The following AGXT2 variants were observed in gnomAD, a reference collection of about 807,000 sequenced individuals.
The protein encoded by AGXT2 is alanine--glyoxylate aminotransferase 2, also known as alanine--glyoxylate aminotransferase 2, mitochondrial.
A neutral mutation model predicts 62.5 loss-of-function variants in AGXT2; 61 were observed. That is an observed-to-expected ratio of 0.98 (90% CI 0.79 to 1.21). AGXT2 has a LOEUF of 1.21. Ranked by LOEUF, AGXT2 falls within the 50% of genes most tolerant of loss-of-function variation. The pLI, the probability that AGXT2 is intolerant of heterozygous loss-of-function variation, is 0.00. For missense variants in AGXT2, 666 were observed against 641.5 expected, an observed-to-expected ratio of 1.04 and a Z score of -0.41; for synonymous variants, 243 against 218.7, an observed-to-expected ratio of 1.11 and a Z score of -0.98.
At chr5:35,041,708 T>G (rs1335408458) in intron 1 of AGXT2, among the ~76,000 whole-genome samples, 2 of 152,216 alleles carry the variant, frequency 1.3e-5, no homozygotes, top group African/African-American at 2.4e-5. Context: ...AAGGTTTGAA[T>G]GCATGAAAGA....
At chr5:35,004,002 C>G (rs1242367924) in intron 12 of AGXT2, 141 bp from the exon 13 acceptor site, 13 of 703,724 alleles carry the variant, frequency 1.8e-5, no homozygotes, top group East Asian at 1.7e-4. Flanking sequence ...TCTGTCCTCT[C>G]CTTCCCCTGT....
intron 5 of AGXT2, among the ~76,000 whole-genome samples, chr5:35,033,770 T>A (rs1293823284): frequency 6.6e-6 from 1 of 152,224 alleles, no homozygotes; most frequent in East Asian, 1.9e-4. Flanking sequence ...AAAGGAATTT[T>A]GGAGAACATT....
chr5:35,037,510 C>G (rs1046476148), intron 3 of AGXT2, among the ~76,000 whole-genome samples: 1 of 144,724 alleles, frequency 6.9e-6, no homozygotes, highest in African/African-American at 2.5e-5. Context: ...TTCCCTCCCT[C>G]CCTCCCTTCC....
chr5:35,003,159 G>A (rs903085801), intron 13 of AGXT2, among the ~76,000 whole-genome samples: 5 of 152,188 alleles, frequency 3.3e-5, no homozygotes, highest in African/African-American at 9.7e-5. Context: ...AAGGGAGTGG[G>A]GAGGGCTCGA....
intron 1 of AGXT2, among the ~76,000 whole-genome samples, chr5:35,046,003 G>A (rs960885107): frequency 1.4e-4 from 21 of 151,980 alleles, no homozygotes; most frequent in Non-Finnish European, 2.6e-4. Flanking sequence ...TCCTGACCTC[G>A]TGATCCGCCC....
chr5:35,009,615 T>A (rs1161684666), intron 12 of AGXT2, among the ~76,000 whole-genome samples: 3 of 152,054 alleles, frequency 2.0e-5, no homozygotes, highest in Non-Finnish European at 4.4e-5. Flanking sequence ...CAACTCCTAA[T>A]ATATATTTAA....
Position 35,003,894 on chromosome 5 carries a change from G to A in AGXT2, c.1339-33C>T, listed in dbSNP as rs747404559. 1.9e-6 allele frequency: 3 copies of A among 1,599,526 alleles called. No homozygotes were observed. In the South Asian group the frequency reaches 3.3e-5, roughly 18 times the overall value. The stretch of plus-strand genomic sequence containing the variant: ...TATATTTTTAAAATTCTTTCTATTT[G>A]GTGTTGGAATGGTTAAAGGAATTAT... On this transcript the variant is annotated intron_variant, in intron 12 of 13. Transcript: ENST00000231420.
intron 9 of AGXT2, among the ~76,000 whole-genome samples, chr5:35,021,967 G>A (rs906918255): frequency 1.3e-5 from 2 of 152,182 alleles, no homozygotes; most frequent in African/African-American, 4.8e-5. Context: ...ACAAACACAT[G>A]AAAAAATGCT....
chr5:35,034,308 C>T (rs989941526), intron 5 of AGXT2, among the ~76,000 whole-genome samples: 19 of 152,086 alleles, frequency 1.2e-4, no homozygotes, highest in African/African-American at 4.1e-4. Flanking sequence ...TTAATACTTA[C>T]CTCGACACAC....
intron 13 of AGXT2, among the ~76,000 whole-genome samples, chr5:35,002,603 C>A (rs1266512473): frequency 6.6e-6 from 1 of 152,164 alleles, no homozygotes; most frequent in Non-Finnish European, 1.5e-5. Context: ...GCTCTCTTGC[C>A]CCTTCTGCAA....
intron 7 of AGXT2, among the ~76,000 whole-genome samples, chr5:35,028,961 A>AGCT (rs1767467282): frequency 6.6e-6 from 1 of 152,206 alleles, no homozygotes; most frequent in Admixed American, 6.5e-5. Context: ...TTTATACCTC[A>AGCT]GCTCTTCATT....
intron 3 of AGXT2, 26 bp from the exon 4 acceptor site, chr5:35,037,091 C>T (rs1401479100): frequency 6.2e-7 from 1 of 1,613,186 alleles, no homozygotes; most frequent in Non-Finnish European, 8.5e-7. Context: ...AGCAGAGTTA[C>T]CTGCACTGCG....
intron 5 of AGXT2, 142 bp downstream of exon 5, chr5:35,035,080 C>A: frequency 2.5e-6 from 2 of 790,910 alleles, no homozygotes; most frequent in Non-Finnish European, 2.1e-6. Flanking sequence ...ATTCAATTGA[C>A]CTATCCTTCC....
chr5:35,042,077 T>G (rs1768011052), intron 1 of AGXT2, among the ~76,000 whole-genome samples: 1 of 152,194 alleles, frequency 6.6e-6, no homozygotes, highest in African/African-American at 2.4e-5. Context: ...AATCCTTTCG[T>G]TTCTTCAGTC....
At chr5:35,045,652 CTAGGTAGAG>C (rs962747155) in intron 1 of AGXT2, among the ~76,000 whole-genome samples, 2 of 151,936 alleles carry the variant, frequency 1.3e-5, no homozygotes, top group African/African-American at 4.8e-5. Context: ...AGGCACAGAC[CTAGGTAGAG>C]TAGGTAAGAA....
intron 1 of AGXT2, 74 bp downstream of exon 1, chr5:35,047,731 A>G (rs1285476400): frequency 1.9e-6 from 3 of 1,561,168 alleles, no homozygotes; most frequent in Non-Finnish European, 2.6e-6. Context: ...AATCCCAGGC[A>G]GCAGCCTTCG....
At chr5:35,026,637 T>C (rs1767365340) in intron 7 of AGXT2, 127 bp from the exon 8 acceptor site, 1 of 1,009,266 alleles carries the variant, frequency 9.9e-7, no homozygotes, top group Non-Finnish European at 1.5e-6. Flanking sequence ...ATCAGGGACT[T>C]CAGAATACGG....
At chr5:35,037,817 G>T (rs1488397621) in intron 3 of AGXT2, among the ~76,000 whole-genome samples, 1 of 152,208 alleles carries the variant, frequency 6.6e-6, no homozygotes, top group African/African-American at 2.4e-5. Context: ...TTCTTTGAAA[G>T]ATTGGGCCAA....
intron 11 of AGXT2, 25 bp from the exon 12 acceptor site, chr5:35,010,174 T>G (rs200965634): frequency 1.1e-4 from 173 of 1,614,086 alleles, no homozygotes; most frequent in Non-Finnish European, 1.4e-4. Flanking sequence ...CCCCAAATGA[T>G]CTTACATGGC....
Sources: allele counts gnomAD v4.1 joint callset (sites outside exome capture counted in the v4.1 genomes callset), GRCh38; gene constraint gnomAD v4.1.1; transcripts MANE v1.5; gene names NCBI Gene and HGNC (gene_info 2026-07-23, HGNC 2026-07-21).